JPT2: variants seen among roughly 807,000 people sequenced by gnomAD.
JPT2 encodes the protein Jupiter microtubule associated homolog 2.
In JPT2, 9 loss-of-function variants were observed where a neutral mutation model predicts 15.9. The observed-to-expected ratio is 0.57, with a 90% CI of 0.34 to 0.99. JPT2 has a LOEUF of 0.99. JPT2 is among the 50% of genes least tolerant of loss of function. The pLI is 0.02. For synonymous variants in JPT2, 95 were observed against 91.7 expected (o/e 1.04, Z -0.21); for missense variants, 267 against 252.1 (o/e 1.06, Z -0.40).
Position 1,701,535 on chromosome 16 carries a change from G to T in JPT2, c.*2537G>T, listed in dbSNP as rs2037180143. On this transcript the variant is annotated 3_prime_UTR_variant, in exon 5 of 5. Coordinates refer to ENST00000248098, the MANE Select transcript of JPT2 (RefSeq NM_144570.3). ...GTTGTTTTGTATTTAGCCAGAGGATGCCAAAATTAGTCTTCTCAAAGCTTT... is the reference window on the plus strand; with the variant it reads ...GTTGTTTTGTATTTAGCCAGAGGATTCCAAAATTAGTCTTCTCAAAGCTTT... The T allele has an allele frequency of 6.6e-6, 1 of 151,804 alleles. No individual in the cohort carries two copies. Among genetic ancestry groups the T allele is most frequent in the African/African-American group, 2.4e-5 (1 of 41,342 alleles). The allele number at this position is 151,804 out of a possible 1,614,324, so 9.4% of individuals were successfully genotyped here.
chr16:1,697,445 A>G (rs1332344843), intron 3 of JPT2, among the ~76,000 whole-genome samples: 3 of 152,042 alleles, frequency 2.0e-5, no homozygotes, highest in Admixed American at 2.0e-4. Flanking sequence ...CCCAGGAGGC[A>G]GAGGCTGCAG....
rs2037171846 is a variant in JPT2, at chr16:1,700,187, C to CT, written c.*1190dup. 2.2e-6 allele frequency: 1 copy of CT among 455,866 alleles called. No individual in the cohort carries two copies. The highest frequency in any genetic ancestry group is 2.0e-5 in the African/African-American group (1 of 50,092). The allele number at this position is 455,866 out of a possible 1,614,324, so 28.2% of individuals were successfully genotyped here. A position where few individuals can be genotyped will look rare whatever the true frequency, so the allele number is the denominator to read the frequency against. On this transcript the variant is annotated 3_prime_UTR_variant, in exon 5 of 5. Transcript: ENST00000248098. Reference sequence around the variant, plus strand: ...CTCACAAACAAGCTTCCAGAAGAGACTAGAGACCTTAGGCCAGGAGATGAA... The same window carrying CT: ...CTCACAAACAAGCTTCCAGAAGAGACTTAGAGACCTTAGGCCAGGAGATGAA...
intron 2 of JPT2, chr16:1,689,486 A>T (rs1202376374): frequency 1.3e-5 from 2 of 152,054 alleles, no homozygotes; most frequent in Non-Finnish European, 2.9e-5. Context: ...GTTTTTTGAG[A>T]CAGGATCTTA....
intron 2 of JPT2, 116 bp downstream of exon 2, chr16:1,685,703 T>TA: frequency 2.5e-5 from 28 of 1,122,294 alleles, no homozygotes; most frequent in Non-Finnish European, 3.5e-5. Flanking sequence ...AATCACTTGT[T>TA]ATCAGAGTTC....
At chr16:1,690,421 T>C (rs2037096617) in intron 2 of JPT2, 1 of 152,250 alleles carries the variant, frequency 6.6e-6, no homozygotes, top group Non-Finnish European at 1.5e-5. Context: ...TCTGCCTATA[T>C]AAATGAAACC....
At chr16:1,685,966 A>G (rs1450657377) in intron 2 of JPT2, 1 of 186,186 alleles carries the variant, frequency 5.4e-6, no homozygotes, top group Non-Finnish European at 1.1e-5. Flanking sequence ...TTTTATTCAG[A>G]TCGTCAGTGG....
rs764858392 is a variant in JPT2, at chr16:1,700,539, G to A, written c.*1541G>A. The A allele has an allele frequency of 1.8e-4, 33 of 184,806 alleles. No homozygotes were observed. Among genetic ancestry groups the A allele is most frequent in the East Asian group, 3.5e-4 (3 of 8,624 alleles). 11.4% of individuals were successfully genotyped at this position (184,806 alleles called of 1,614,324 possible). On this transcript the variant is annotated 3_prime_UTR_variant, in exon 5 of 5. Coordinates refer to ENST00000248098, the MANE Select transcript of JPT2 (RefSeq NM_144570.3). ...CACTGCTTAAGTGCCTGCAGGAGCC[G>A]CCTGCCAAGCTCCCCTTCCTACACC... is the stretch of plus-strand genomic sequence containing the variant.
chr16:1,696,343 T>C (rs2037141587), intron 3 of JPT2, among the ~76,000 whole-genome samples: 3 of 151,950 alleles, frequency 2.0e-5, no homozygotes, highest in African/African-American at 7.2e-5. Context: ...CCATCCTGGC[T>C]AACATGGTGA....
intron 2 of JPT2, among the ~76,000 whole-genome samples, chr16:1,687,004 A>T (rs2037071824): frequency 6.6e-6 from 1 of 152,194 alleles, no homozygotes; most frequent in Non-Finnish European, 1.5e-5. Flanking sequence ...CTGTTTTGAG[A>T]CGGGGTCTCA....
chr16:1,695,620 C>T (rs2037135998), intron 3 of JPT2, among the ~76,000 whole-genome samples: 1 of 151,950 alleles, frequency 6.6e-6, no homozygotes, highest in Non-Finnish European at 1.5e-5. Context: ...CCTATAACCC[C>T]AGCACTTTGG....
intron 3 of JPT2, among the ~76,000 whole-genome samples, chr16:1,696,609 A>C (rs2037144195): frequency 6.6e-6 from 1 of 152,236 alleles, no homozygotes; most frequent in African/African-American, 2.4e-5. Context: ...TCCAGAATAC[A>C]TAAAGAATGC....
rs958749033 is a variant in JPT2 at position 1,678,283 on chromosome 16, C to G, written c.-30C>G. The G allele has an allele frequency of 6.5e-6, 8 of 1,235,226 alleles. No individual in the cohort carries two copies. The African/African-American group carries it at 1.2e-4, about 19-fold the overall frequency. 76.5% of individuals were successfully genotyped at this position (1,235,226 alleles called of 1,614,324 possible). ...CTGCGCTGGGCGGGCGGGAACGGCG[C>G]GCGGCGAGCTGAGGGTGGCGGCGGT... On this transcript the variant is annotated 5_prime_UTR_variant, in exon 1 of 5. Coordinates refer to ENST00000248098, the MANE Select transcript of JPT2 (RefSeq NM_144570.3).
intron 1 of JPT2, among the ~76,000 whole-genome samples, chr16:1,684,352 C>T (rs1402572822): frequency 6.6e-6 from 1 of 152,178 alleles, no homozygotes. Context: ...GTTATGAATT[C>T]AGCGTTTCAC....
At chr16:1,696,967 T>A (rs1437245551) in intron 3 of JPT2, among the ~76,000 whole-genome samples, 2 of 152,226 alleles carry the variant, frequency 1.3e-5, no homozygotes, top group African/African-American at 4.8e-5. Flanking sequence ...CTTAAGTACG[T>A]ACTCACAAGA....
At position 1,691,911 on chromosome 16, in the gene JPT2, G is replaced by C. The variant is rs1238161571; in HGVS notation, c.262G>C (p.Gly88Arg). 1 of 1,614,184 alleles carries C rather than the reference G, an allele frequency of 6.2e-7. No individual in the cohort carries two copies. The highest frequency in any genetic ancestry group is 8.5e-7 in the Non-Finnish European group (1 of 1,180,040). The change falls in exon 3 of 5, where the codon GGA becomes CGA. Residue 88 changes from glycine to arginine, a missense_variant. Physicochemically the swap from Gly to Arg is moderately radical, Grantham distance 125. Coordinates refer to ENST00000248098, the MANE Select transcript of JPT2 (RefSeq NM_144570.3). The stretch of plus-strand genomic sequence containing the variant: ...GACTCGACAGCACCTGAACCCACCT[G>C]GAGGGAAGACCAGCGACATTTTTGG... ...VQTRQHLNPPGGKTSDIFGSP... is the reference protein window; with the variant it reads ...VQTRQHLNPPRGKTSDIFGSP...
At chr16:1,679,376 A>G (rs2037002341) in intron 1 of JPT2, among the ~76,000 whole-genome samples, 1 of 152,202 alleles carries the variant, frequency 6.6e-6, no homozygotes, top group Admixed American at 6.5e-5. Flanking sequence ...AAGTAAAAGA[A>G]TTGCTCCAAC....
downstream of JPT2, chr16:1,702,117 A>C (rs2142233776): frequency 2.2e-6 from 1 of 455,550 alleles, no homozygotes; most frequent in Non-Finnish European, 4.4e-6. Flanking sequence ...GTTTTCTAAC[A>C]TACTTAATAT....
At chr16:1,684,973 C>T (rs976446876) in intron 1 of JPT2, among the ~76,000 whole-genome samples, 2 of 151,812 alleles carry the variant, frequency 1.3e-5, no homozygotes, top group African/African-American at 4.8e-5. Flanking sequence ...AGTCTGGCGT[C>T]TGTAAACTAG....
At chr16:1,692,519 C>G (rs1029628336) in intron 3 of JPT2, 4 of 164,230 alleles carry the variant, frequency 2.4e-5, no homozygotes, top group Non-Finnish European at 4.1e-5. Flanking sequence ...GAGAGGAATG[C>G]CTACACGATG....
Sources: gnomAD v4.1 joint callset for allele counts (sites outside exome capture counted in the v4.1 genomes callset) on GRCh38, gnomAD v4.1.1 for gene constraint, MANE v1.5 for transcripts, NCBI Gene and HGNC (gene_info 2026-07-23, HGNC 2026-07-21) for gene names.